The following CDC45 variants were observed in gnomAD, a reference collection of about 807,000 sequenced individuals.
CDC45 encodes the protein cell division control protein 45 homolog.
Under a neutral mutation model 77.8 loss-of-function variants are expected in CDC45, and 54 were observed. That is an observed-to-expected ratio of 0.69 (90% CI 0.56 to 0.87). CDC45 has a LOEUF of 0.87. Ranked by LOEUF, CDC45 falls within the 40% of genes least tolerant of loss-of-function variation. The probability of loss-of-function intolerance (pLI) is 0.00; values close to 1 mark genes in which losing one functional copy is unlikely to be tolerated. For synonymous variants in CDC45, 260 were observed against 272.1 expected (o/e 0.96, Z 0.44); for missense variants, 649 against 721.6 (o/e 0.90, Z 1.15).
intron 13 of CDC45, among the ~76,000 whole-genome samples, chr22:19,510,165 C>T (rs753467044): frequency 3.3e-5 from 5 of 152,040 alleles, no homozygotes; most frequent in Non-Finnish European, 7.4e-5. Context: ...CACTATGTGG[C>T]CCAGACTGGT....
Position 19,483,991 on chromosome 22 carries a change from A to C in CDC45, c.472A>C (p.Thr158Pro). 1 of 1,608,356 alleles carries C rather than the reference A, an allele frequency of 6.2e-7. No individual in the cohort carries two copies. Among genetic ancestry groups the C allele is most frequent in the East Asian group, 2.2e-5 (1 of 44,772 alleles). ...SDGSEPSEKRTRLEEEIVEQT... is the reference protein window; with the variant it reads ...SDGSEPSEKRPRLEEEIVEQT... ...TGGGTCAGAGCCTTCTGAGAAGCGC[A>C]CACGGTTAGAAGAGGTGAGTTTGGG... The change falls in exon 5 of 19, where the codon ACA (threonine) becomes CCA (proline). Residue 158 changes from threonine (T) to proline (P), a missense_variant. By Grantham distance (38) the Thr-to-Pro change is conservative. Transcript: ENST00000263201.
chr22:19,507,490 G>A lies in CDC45; in HGVS notation c.929G>A (p.Arg310Gln), dbSNP rs762492558. 24 of 1,614,068 alleles carry A rather than the reference G, an allele frequency of 1.5e-5. No individual in the cohort carries two copies. Among genetic ancestry groups the A allele is most frequent in the South Asian group, 5.5e-5 (5 of 91,096 alleles). ...CTGTGGTCTGTGCATGGACAGAAGC[G>A]GCTCCAGGAGTTCCTTGCAGACATG... Reference protein sequence around the residue: ...FKLWSVHGQKRLQEFLADMGL... With the variant: ...FKLWSVHGQKQLQEFLADMGL... The change falls in exon 11 of 19, where the codon CGG (arginine) becomes CAG (glutamine). Residue 310 changes from arginine (R) to glutamine (Q), a missense_variant. Coordinates refer to ENST00000263201, the MANE Select transcript of CDC45 (RefSeq NM_003504.5).
chr22:19,505,089 T>C (rs1933087672), intron 9 of CDC45: 3 of 471,094 alleles, frequency 6.4e-6, no homozygotes, highest in Non-Finnish European at 7.8e-6. Context: ...GTATGGGCTG[T>C]GGCCTCTGCG....
intron 15 of CDC45, chr22:19,516,310 G>A (rs1601994761): frequency 6.9e-6 from 4 of 582,310 alleles, no homozygotes; most frequent in East Asian, 2.9e-5. Flanking sequence ...TGTGGGTACG[G>A]GAGGGCAGGT....
chr22:19,504,028 T>G (rs532685794), intron 9 of CDC45, among the ~76,000 whole-genome samples: 1 of 152,358 alleles, frequency 6.6e-6, no homozygotes, highest in Non-Finnish European at 1.5e-5. Context: ...GCTTTGGGCT[T>G]GTCTCTGGGT....
chr22:19,486,516 T>C (rs1199869931), intron 5 of CDC45, among the ~76,000 whole-genome samples: 1 of 152,204 alleles, frequency 6.6e-6, no homozygotes, highest in East Asian at 1.9e-4. Flanking sequence ...CTACTACTTG[T>C]TTCTTCATGG....
intron 7 of CDC45, among the ~76,000 whole-genome samples, 177 bp downstream of exon 7, chr22:19,496,206 C>G (rs922975510): frequency 1.3e-5 from 2 of 152,200 alleles, no homozygotes; most frequent in Non-Finnish European, 2.9e-5. Context: ...CCTTAAACAT[C>G]TCCTCCTCTG....
intron 5 of CDC45, among the ~76,000 whole-genome samples, chr22:19,486,317 C>T (rs73877073): frequency 1.4e-3 from 215 of 152,320 alleles, no homozygotes; most frequent in African/African-American, 5.0e-3. Context: ...ATATTCAGCC[C>T]ATATTCAGGT....
At chr22:19,488,776 C>T (rs2090111792) in intron 5 of CDC45, among the ~76,000 whole-genome samples, 1 of 152,170 alleles carries the variant, frequency 6.6e-6, no homozygotes, top group African/African-American at 2.4e-5. Flanking sequence ...AAAAAGTTTC[C>T]TCACCAGGAC....
chr22:19,515,726 CG>C (rs1933750257), intron 15 of CDC45, among the ~76,000 whole-genome samples: 1 of 152,228 alleles, frequency 6.6e-6, no homozygotes, highest in Non-Finnish European at 1.5e-5. Context: ...TGGGCCTTGA[CG>C]TCCTCTAGGC....
chr22:19,496,076 G>A (rs1452941925), intron 7 of CDC45, 47 bp downstream of exon 7: 4 of 1,265,842 alleles, frequency 3.2e-6, no homozygotes, highest in Middle Eastern at 1.8e-4. Context: ...GACTCCAGGG[G>A]TCAGTGTCCT....
intron 5 of CDC45, among the ~76,000 whole-genome samples, chr22:19,493,516 C>T (rs1450710614): frequency 6.6e-6 from 1 of 152,042 alleles, no homozygotes; most frequent in East Asian, 1.9e-4. Context: ...ACAATCTCGG[C>T]TCACTGCTAC....
intron 8 of CDC45, among the ~76,000 whole-genome samples, chr22:19,498,551 G>C (rs5748241): frequency 0.038 from 5,849 of 152,330 alleles, 181 homozygotes; most frequent in East Asian, 0.12. Flanking sequence ...GAAGATGGGA[G>C]CCTTGAAGGC....
At chr22:19,516,748 C>G (rs1427923237) in intron 16 of CDC45, 69 bp from the exon 17 acceptor site, 1 of 1,413,772 alleles carries the variant, frequency 7.1e-7, no homozygotes, top group African/African-American at 1.5e-5. Flanking sequence ...TAGTGTCTGT[C>G]CTGGGGCGGG....
chr22:19,497,716 C>T (rs1280231917), intron 8 of CDC45, among the ~76,000 whole-genome samples: 1 of 152,170 alleles, frequency 6.6e-6, no homozygotes, highest in East Asian at 1.9e-4. Flanking sequence ...TGCTGCTCAG[C>T]CTGTACTCAG....
intron 5 of CDC45, among the ~76,000 whole-genome samples, chr22:19,492,696 T>C (rs543500423): frequency 1.3e-5 from 2 of 152,298 alleles, no homozygotes; most frequent in South Asian, 2.1e-4. Flanking sequence ...GATTTTTGTA[T>C]TATGTGATGA....
intron 9 of CDC45, among the ~76,000 whole-genome samples, chr22:19,499,719 G>A (rs2090306737): frequency 6.6e-6 from 1 of 152,200 alleles, no homozygotes; most frequent in Non-Finnish European, 1.5e-5. Flanking sequence ...GCGAAGTGGG[G>A]GTTGGCTTCT....
At chr22:19,500,936 G>A (rs2090330442) in intron 9 of CDC45, among the ~76,000 whole-genome samples, 1 of 152,136 alleles carries the variant, frequency 6.6e-6, no homozygotes, top group South Asian at 2.1e-4. Context: ...CAGCACTTTG[G>A]GAGGCAGAGG....
intron 9 of CDC45, among the ~76,000 whole-genome samples, chr22:19,503,307 C>T (rs1217424968): frequency 6.6e-6 from 1 of 152,142 alleles, no homozygotes; most frequent in African/African-American, 2.4e-5. Context: ...AGCCCAGTGC[C>T]CAGCTTGGAG....
Sources: allele counts gnomAD v4.1 joint callset (sites outside exome capture counted in the v4.1 genomes callset), GRCh38; gene constraint gnomAD v4.1.1; transcripts MANE v1.5; gene names NCBI Gene and HGNC (gene_info 2026-07-23, HGNC 2026-07-21).